GUCA1C: variants seen among roughly 807,000 people sequenced by gnomAD.
GUCA1C encodes the protein guanylyl cyclase-activating protein 3.
A neutral mutation model predicts 16.2 loss-of-function variants in GUCA1C; 15 were observed. The ratio of observed to expected loss-of-function variants is 0.93; its 90% CI spans 0.62 to 1.43. The LOEUF (loss-of-function observed/expected upper bound fraction) is 1.43. GUCA1C is among the 40% of genes most tolerant of loss of function. GUCA1C has a pLI of 0.00. For missense variants in GUCA1C, 275 were observed against 244.8 expected, an observed-to-expected ratio of 1.12 and a Z score of -0.82; for synonymous variants, 78 against 85.4, an observed-to-expected ratio of 0.91 and a Z score of 0.48.
intron 2 of GUCA1C, among the ~76,000 whole-genome samples, chr3:108,918,543 A>C (rs1946539620): frequency 6.6e-6 from 1 of 152,222 alleles, no homozygotes; most frequent in South Asian, 2.1e-4. Flanking sequence ...GTTTCCTAAC[A>C]TCCCCATGTT....
At chr3:108,928,655 G>A (rs879329441) in intron 1 of GUCA1C, among the ~76,000 whole-genome samples, 1 of 152,120 alleles carries the variant, frequency 6.6e-6, no homozygotes, top group Non-Finnish European at 1.5e-5. Context: ...TTCTTTGCAC[G>A]TGGATGTTTC....
chr3:108,932,346 AAAAAAAC>A (rs1946678127), intron 1 of GUCA1C, among the ~76,000 whole-genome samples: 1 of 150,560 alleles, frequency 6.6e-6, no homozygotes, highest in African/African-American at 2.5e-5. Context: ...AAAACAAAAA[AAAAAAAC>A]AGCATCAAAG....
In GUCA1C at chr3:108,948,938, C is replaced by G. The variant is rs867377538; in HGVS notation, c.204+4621G>C. ...TCTCAACTCTCTGCAACTTCCGCCT[C>G]CCAGGTTCAAGCAATTCTCTTGTCT... On this transcript the variant is annotated intron_variant, in intron 1 of 3. Transcript: ENST00000261047. Among the ~76,000 whole-genome samples, 6 of 151,954 alleles carry G rather than the reference C, an allele frequency of 3.9e-5. No homozygotes were observed. In the South Asian group the frequency reaches 1.0e-3, roughly 26 times the overall value.
intron 2 of GUCA1C, among the ~76,000 whole-genome samples, chr3:108,918,890 C>T (rs1946545058): frequency 6.6e-6 from 1 of 152,014 alleles, no homozygotes; most frequent in Non-Finnish European, 1.5e-5. Flanking sequence ...TTTCCTCTTT[C>T]AGTTTTTTAA....
intron 1 of GUCA1C, among the ~76,000 whole-genome samples, chr3:108,930,218 T>C (rs945951505): frequency 6.6e-6 from 1 of 152,216 alleles, no homozygotes; most frequent in African/African-American, 2.4e-5. Context: ...CAGGCTGTAG[T>C]CTTTCTGGAG....
chr3:108,940,085 T>C (rs555973888), intron 1 of GUCA1C, among the ~76,000 whole-genome samples: 1 of 152,308 alleles, frequency 6.6e-6, no homozygotes, highest in Non-Finnish European at 1.5e-5. Context: ...TGATAGTATA[T>C]ATGAAAATTC....
intron 1 of GUCA1C, among the ~76,000 whole-genome samples, chr3:108,932,887 A>C (rs1946684153): frequency 7.3e-6 from 1 of 136,882 alleles, no homozygotes; most frequent in Admixed American, 8.7e-5. Flanking sequence ...GCGCCATTGC[A>C]CTCCAGCCTG....
intron 1 of GUCA1C, among the ~76,000 whole-genome samples, chr3:108,922,890 G>C (rs1576547646): frequency 6.6e-6 from 1 of 152,106 alleles, no homozygotes; most frequent in Non-Finnish European, 1.5e-5. Flanking sequence ...CCACTTATGA[G>C]TGAGAACATG....
chr3:108,938,941 T>C (rs562306237), intron 1 of GUCA1C, among the ~76,000 whole-genome samples: 4 of 152,324 alleles, frequency 2.6e-5, no homozygotes, highest in Middle Eastern at 3.4e-3. Flanking sequence ...AGGTCCACTG[T>C]GAATCAGAAG....
chr3:108,951,109 A>T (rs1337367183), intron 1 of GUCA1C, among the ~76,000 whole-genome samples: 2 of 152,172 alleles, frequency 1.3e-5, no homozygotes, highest in Admixed American at 1.3e-4. Context: ...AAAAAATCAA[A>T]TAGAGTGGTT....
intron 1 of GUCA1C, among the ~76,000 whole-genome samples, chr3:108,935,844 G>A (rs1946722225): frequency 6.6e-6 from 1 of 152,182 alleles, no homozygotes; most frequent in Non-Finnish European, 1.5e-5. Flanking sequence ...AGAGCTTGTA[G>A]TGCTTCTGTC....
In GUCA1C at chr3:108,910,150, C is replaced by A. The variant is rs563265019; in HGVS notation, c.443-1941G>T. ...CCCAACAAATTAAAAGAATGGGCTTCCGTATTTCCCTAGAAAGAGTCACCT... is the reference window on the plus strand; with the variant it reads ...CCCAACAAATTAAAAGAATGGGCTTACGTATTTCCCTAGAAAGAGTCACCT... On this transcript the variant is annotated intron_variant, in intron 3 of 3. Transcript: ENST00000261047. 3.9e-5 allele frequency among the ~76,000 whole-genome samples: 6 copies of A among 152,300 alleles called. No homozygotes were observed. In the South Asian group the frequency reaches 1.2e-3, roughly 32 times the overall value.
At chr3:108,914,493 T>G (rs1279370977) in intron 3 of GUCA1C, among the ~76,000 whole-genome samples, 2 of 152,218 alleles carry the variant, frequency 1.3e-5, no homozygotes, top group Non-Finnish European at 2.9e-5. Flanking sequence ...AAGGTCACTT[T>G]CCTATTCCCC....
At chr3:108,943,237 T>C (rs2593918) in intron 1 of GUCA1C, among the ~76,000 whole-genome samples, 3 of 151,622 alleles carry the variant, frequency 2.0e-5, no homozygotes, top group Admixed American at 6.6e-5. Context: ...CGAGGGGGAG[T>C]GGGGGCGCTG....
At chr3:108,947,730 T>G (rs1217855728) in intron 1 of GUCA1C, among the ~76,000 whole-genome samples, 1 of 152,154 alleles carries the variant, frequency 6.6e-6, no homozygotes, top group Admixed American at 6.5e-5. Flanking sequence ...GGCAAAATTT[T>G]TATAATTGCT....
upstream of GUCA1C, among the ~76,000 whole-genome samples, chr3:108,954,149 T>C (rs959086259): frequency 9.2e-5 from 14 of 152,350 alleles, no homozygotes; most frequent in African/African-American, 3.1e-4. Context: ...CTAGATTCTA[T>C]GCTTTGTTCT....
intron 1 of GUCA1C, among the ~76,000 whole-genome samples, chr3:108,935,510 G>A (rs1576552821): frequency 6.6e-6 from 1 of 151,672 alleles, no homozygotes; most frequent in African/African-American, 2.4e-5. Context: ...CTAACGTGGT[G>A]AAACCACGTC....
At chr3:108,947,245 A>T (rs1210488380) in intron 1 of GUCA1C, among the ~76,000 whole-genome samples, 1 of 152,220 alleles carries the variant, frequency 6.6e-6, no homozygotes, top group African/African-American at 2.4e-5. Flanking sequence ...TTATGAAGAA[A>T]ATAATACGGA....
intron 1 of GUCA1C, among the ~76,000 whole-genome samples, chr3:108,949,479 C>T (rs992965127): frequency 1.3e-5 from 2 of 152,162 alleles, no homozygotes; most frequent in Non-Finnish European, 2.9e-5. Context: ...ATAACCCGGC[C>T]TTAGTATTTT....
Sources: gnomAD v4.1 joint callset for allele counts (sites outside exome capture counted in the v4.1 genomes callset) on GRCh38, gnomAD v4.1.1 for gene constraint, MANE v1.5 for transcripts, NCBI Gene and HGNC (gene_info 2026-07-23, HGNC 2026-07-21) for gene names.